The following MAP4K3 variants were observed in gnomAD, a reference collection of about 807,000 sequenced individuals.
The protein encoded by MAP4K3 is mitogen-activated protein kinase kinase kinase kinase 3.
In MAP4K3, 94 loss-of-function variants were observed where a neutral mutation model predicts 143.5. The observed-to-expected ratio is 0.65, with a 90% CI of 0.55 to 0.78. The LOEUF is 0.78. Among genes scored for constraint, MAP4K3 ranks in the 30% least tolerant of loss-of-function variants. The probability of loss-of-function intolerance (pLI) is 0.00; values close to 1 mark genes in which losing one functional copy is unlikely to be tolerated. For synonymous variants in MAP4K3, 416 were observed against 347.2 expected, an observed-to-expected ratio of 1.20 and a Z score of -2.20; for missense variants, 1,077 against 1,068.1, an observed-to-expected ratio of 1.01 and a Z score of -0.12.
chr2:39,263,281 T>C (rs997716554), intron 28 of MAP4K3, among the ~76,000 whole-genome samples: 7 of 150,228 alleles, frequency 4.7e-5, no homozygotes, highest in Non-Finnish European at 1.0e-4. Context: ...AGTTTTTTTT[T>C]TTTTTTTTTG....
intron 33 of MAP4K3, 21 bp downstream of exon 33, chr2:39,251,809 T>A: frequency 1.2e-6 from 2 of 1,606,156 alleles, no homozygotes; most frequent in Non-Finnish European, 1.7e-6. Context: ...ACTGTGTATT[T>A]AATACAGTCC....
At chr2:39,393,004 G>C (rs1453612929) in intron 1 of MAP4K3, among the ~76,000 whole-genome samples, 3 of 152,180 alleles carry the variant, frequency 2.0e-5, no homozygotes, top group African/African-American at 7.2e-5. Context: ...ATAAGGTTAA[G>C]AACCACTTCT....
At chr2:39,428,897 G>A (rs371797399) in intron 1 of MAP4K3, among the ~76,000 whole-genome samples, 47 of 150,624 alleles carry the variant, frequency 3.1e-4, no homozygotes, top group East Asian at 2.4e-3. Context: ...GTGAAATCCC[G>A]TCTCTACTAA....
At position 39,378,075 on chromosome 2, in the gene MAP4K3, A is replaced by G. The variant is rs752665348; in HGVS notation, c.145T>C (p.Leu49=). ...ATTTCAAACAATTTACCTGGTTCCA[A>G]TTTTATTACTTTAATTGCTGCTAAT... ...GELAAIKVIK[L]EPGEDFAVVQ... The change falls in exon 2 of 34, where the codon TTG becomes CTG. Residue 49 remains leucine, a synonymous_variant. Coordinates refer to ENST00000263881, the MANE Select transcript of MAP4K3 (RefSeq NM_003618.4). 1.9e-6 allele frequency: 3 copies of G among 1,585,454 alleles called. No individual in the cohort carries two copies. In the Admixed American group the frequency reaches 5.3e-5, roughly 28 times the overall value.
chr2:39,355,645 G>A (rs1242320954), intron 3 of MAP4K3, among the ~76,000 whole-genome samples: 1 of 152,166 alleles, frequency 6.6e-6, no homozygotes, highest in Non-Finnish European at 1.5e-5. Flanking sequence ...GCATGTAGAA[G>A]TGAATGGAAA....
intron 1 of MAP4K3, among the ~76,000 whole-genome samples, chr2:39,434,291 TAAC>T (rs778047034): frequency 8.6e-5 from 13 of 152,036 alleles, no homozygotes; most frequent in East Asian, 5.8e-4. Context: ...GCAAAACAAA[TAAC>T]AAAAAAATGT....
rs1681463369 is a variant in MAP4K3, at chr2:39,280,366, C to T, written c.1630-10G>A. On this transcript the variant is annotated splice_polypyrimidine_tract_variant and intron_variant, in intron 22 of 33. Coordinates refer to ENST00000263881, the MANE Select transcript of MAP4K3 (RefSeq NM_003618.4). The stretch of plus-strand genomic sequence containing the variant: ...AAAAACATGCACCCATCTAGGGAAA[C>T]AAAGAATAACCAATATGAAACAGTG... 7.1e-6 allele frequency: 11 copies of T among 1,539,790 alleles called. 1 individual carries two copies. Among genetic ancestry groups the T allele is most frequent in the Non-Finnish European group, 9.8e-6 (11 of 1,119,656 alleles).
At position 39,343,431 on chromosome 2, in the gene MAP4K3, G is replaced by A. The variant is rs1361447917; in HGVS notation, c.267C>T (p.Cys89=). 1.2e-6 allele frequency: 2 copies of A among 1,612,912 alleles called. No homozygotes were observed. The highest frequency in any genetic ancestry group is 1.1e-5 in the South Asian group (1 of 90,958). ...AAGAACCACCTCCACAAAACTCCAT[G>A]CAAATCCAAAGCTTATCTCGCCTAT... ...SYLRRDKLWI[C]MEFCGGGSLQ... Residue 89 remains cysteine, a synonymous_variant, in exon 4 of 34, where the codon TGC becomes TGT. Coordinates refer to ENST00000263881, the MANE Select transcript of MAP4K3 (RefSeq NM_003618.4).
intron 3 of MAP4K3, among the ~76,000 whole-genome samples, chr2:39,350,007 T>C (rs1424823639): frequency 1.3e-5 from 2 of 152,126 alleles, no homozygotes; most frequent in Non-Finnish European, 2.9e-5. Flanking sequence ...CAAGGAACAT[T>C]TGGCAAAGCC....
chr2:39,289,148 G>C (rs1681923054), intron 19 of MAP4K3, among the ~76,000 whole-genome samples: 1 of 152,160 alleles, frequency 6.6e-6, no homozygotes, highest in African/African-American at 2.4e-5. Flanking sequence ...TACAAACAAT[G>C]GAAAAATCTA....
At chr2:39,346,727 A>T (rs1018665199) in intron 3 of MAP4K3, among the ~76,000 whole-genome samples, 4 of 152,198 alleles carry the variant, frequency 2.6e-5, no homozygotes, top group Non-Finnish European at 1.5e-5. Context: ...AAACTATTTT[A>T]ATCTGCACTA....
intron 8 of MAP4K3, among the ~76,000 whole-genome samples, chr2:39,330,672 C>T (rs947568426): frequency 5.9e-5 from 9 of 151,964 alleles, no homozygotes; most frequent in Non-Finnish European, 1.0e-4. Context: ...AACAACAACC[C>T]GACAAAAATC....
chr2:39,314,674 A>C (rs1683054952), intron 13 of MAP4K3, among the ~76,000 whole-genome samples: 1 of 152,190 alleles, frequency 6.6e-6, no homozygotes, highest in Non-Finnish European at 1.5e-5. Flanking sequence ...TCTTGTTGGC[A>C]GTTTATCACT....
At chr2:39,333,626 C>G (rs1187102204) in intron 6 of MAP4K3, 52 bp from the exon 7 acceptor site, 2 of 999,732 alleles carry the variant, frequency 2.0e-6, no homozygotes, top group Non-Finnish European at 3.2e-6. Context: ...TTTTATCAGA[C>G]AGCACATATA....
At chr2:39,267,335 T>G in intron 26 of MAP4K3, 88 bp from the exon 27 acceptor site, 3 of 989,612 alleles carry the variant, frequency 3.0e-6, no homozygotes, top group Non-Finnish European at 4.8e-6. Flanking sequence ...GCACAAAGGA[T>G]GAGTTCAAAA....
At chr2:39,251,496 ACAGT>A (rs1680154650) in intron 33 of MAP4K3, among the ~76,000 whole-genome samples, 1 of 152,188 alleles carries the variant, frequency 6.6e-6, no homozygotes, top group South Asian at 2.1e-4. Context: ...CCAATGTCTT[ACAGT>A]CAATCAGAAC....
intron 29 of MAP4K3, among the ~76,000 whole-genome samples, chr2:39,259,987 T>C (rs926047982): frequency 6.6e-5 from 10 of 152,190 alleles, no homozygotes; most frequent in African/African-American, 2.4e-4. Context: ...CAATTGTTTA[T>C]TAATATATAC....
rs367881474 is a variant in MAP4K3 at position 39,389,034 on chromosome 2, C to T, written c.97-10911G>A. ...AGGAATTAAAAGATATATAACATTACAATCAAGTACGCTTTAAAAGTTTAA... is the reference window on the plus strand; with the variant it reads ...AGGAATTAAAAGATATATAACATTATAATCAAGTACGCTTTAAAAGTTTAA... On this transcript the variant is annotated intron_variant, in intron 1 of 33. Transcript: ENST00000263881. 9.9e-5 allele frequency among the ~76,000 whole-genome samples: 15 copies of T among 152,160 alleles called. No homozygotes were observed. In the East Asian group the frequency reaches 1.5e-3, roughly 16 times the overall value.
rs570658067 is a variant in MAP4K3 at position 39,384,338 on chromosome 2, G to C, written c.97-6215C>G. 3.0e-4 allele frequency among the ~76,000 whole-genome samples: 45 copies of C among 152,298 alleles called. 1 individual carries two copies. Among genetic ancestry groups the C allele is most frequent in the Admixed American group, 6.5e-4 (10 of 15,302 alleles). ...AGGTAGGCGGATCACCTGAGGTCAG[G>C]AGTTCAAGACCAGCCTGACCAATAT... On this transcript the variant is annotated intron_variant, in intron 1 of 33. Coordinates refer to ENST00000263881, the MANE Select transcript of MAP4K3 (RefSeq NM_003618.4).
Sources: gnomAD v4.1 joint callset for allele counts (sites outside exome capture counted in the v4.1 genomes callset) on GRCh38, gnomAD v4.1.1 for gene constraint, MANE v1.5 for transcripts, NCBI Gene and HGNC (gene_info 2026-07-23, HGNC 2026-07-21) for gene names.